MBOAT2: variants seen among roughly 807,000 people sequenced by gnomAD.
MBOAT2 encodes the protein membrane-bound glycerophospholipid O-acyltransferase 2.
In MBOAT2, 28 loss-of-function variants were observed where a neutral mutation model predicts 63.4. The ratio of observed to expected loss-of-function variants is 0.44; its 90% CI spans 0.33 to 0.61. The LOEUF (loss-of-function observed/expected upper bound fraction) is 0.61, where lower values mean the gene tolerates loss of function less well. Among genes scored for constraint, MBOAT2 ranks in the 20% least tolerant of loss-of-function variants. MBOAT2 has a pLI of 0.03. For missense variants in MBOAT2, 470 were observed against 605.8 expected (o/e 0.78, Z 2.35); for synonymous variants, 211 against 215.6 (o/e 0.98, Z 0.19).
intron 4 of MBOAT2, among the ~76,000 whole-genome samples, chr2:8,905,731 C>G (rs1184223381): frequency 1.3e-5 from 2 of 152,132 alleles, no homozygotes; most frequent in African/African-American, 4.8e-5. Context: ...GTGCAGCAAA[C>G]CAACATGGCA....
chr2:8,871,047 T>A (rs1028995132), intron 8 of MBOAT2, among the ~76,000 whole-genome samples: 2 of 151,736 alleles, frequency 1.3e-5, no homozygotes, highest in Non-Finnish European at 2.9e-5. Context: ...CAGGCTGGAG[T>A]GTAATGGTGC....
At chr2:8,882,302 C>T (rs951246787) in intron 6 of MBOAT2, among the ~76,000 whole-genome samples, 2 of 152,166 alleles carry the variant, frequency 1.3e-5, no homozygotes, top group Admixed American at 6.5e-5. Flanking sequence ...AATGTACAAT[C>T]GCAGAGGCAG....
intron 4 of MBOAT2, among the ~76,000 whole-genome samples, chr2:8,901,786 G>C (rs1291550144): frequency 6.6e-6 from 1 of 152,182 alleles, no homozygotes; most frequent in African/African-American, 2.4e-5. Flanking sequence ...GAAGGTAACA[G>C]AGTCCTGAAG....
At chr2:8,902,628 G>A (rs1310975888) in intron 4 of MBOAT2, among the ~76,000 whole-genome samples, 4 of 152,148 alleles carry the variant, frequency 2.6e-5, no homozygotes, top group African/African-American at 9.7e-5. Context: ...GACTTCAGGA[G>A]TGAAGCTGTA....
chr2:8,867,647 C>T (rs937974779), intron 9 of MBOAT2, among the ~76,000 whole-genome samples: 30 of 152,208 alleles, frequency 2.0e-4, no homozygotes, highest in Admixed American at 5.2e-4. Context: ...TGATTCATAA[C>T]TCATTCTCTC....
At chr2:8,905,494 T>C (rs1239037274) in intron 4 of MBOAT2, among the ~76,000 whole-genome samples, 1 of 152,224 alleles carries the variant, frequency 6.6e-6, no homozygotes, top group Non-Finnish European at 1.5e-5. Flanking sequence ...ATGAGATGCA[T>C]GTCCTTTGTA....
intron 2 of MBOAT2, among the ~76,000 whole-genome samples, chr2:8,952,993 G>T (rs983582534): frequency 6.6e-6 from 1 of 152,102 alleles, no homozygotes; most frequent in Non-Finnish European, 1.5e-5. Flanking sequence ...TGATATGTGA[G>T]GTTTTCATTC....
At chr2:8,971,569 G>A (rs1438406694) in intron 1 of MBOAT2, among the ~76,000 whole-genome samples, 3 of 152,224 alleles carry the variant, frequency 2.0e-5, no homozygotes, top group Non-Finnish European at 4.4e-5. Flanking sequence ...AAAAGAGGAA[G>A]TCAAATTGTC....
At chr2:8,867,723 T>C (rs1319253215) in intron 9 of MBOAT2, among the ~76,000 whole-genome samples, 1 of 152,256 alleles carries the variant, frequency 6.6e-6, no homozygotes, top group Non-Finnish European at 1.5e-5. Context: ...TATATTTATA[T>C]GTTTCTAGCC....
intron 3 of MBOAT2, among the ~76,000 whole-genome samples, chr2:8,913,114 T>C (rs759175565): frequency 6.6e-6 from 1 of 151,908 alleles, no homozygotes; most frequent in Non-Finnish European, 1.5e-5. Context: ...TTTCAACAAA[T>C]GGATAATTGG....
intron 1 of MBOAT2, among the ~76,000 whole-genome samples, chr2:8,988,875 CAATAA>C (rs958253781): frequency 6.6e-5 from 10 of 151,870 alleles, no homozygotes; most frequent in African/African-American, 2.2e-4. Context: ...GAATCATACA[CAATAA>C]AATAAAGTAT....
intron 3 of MBOAT2, among the ~76,000 whole-genome samples, chr2:8,912,687 T>C (rs906746153): frequency 6.6e-6 from 1 of 152,080 alleles, no homozygotes; most frequent in Non-Finnish European, 1.5e-5. Flanking sequence ...CTGAAGGAAA[T>C]CATAGACGAC....
At chr2:8,969,978 A>C (rs1670325472) in intron 1 of MBOAT2, among the ~76,000 whole-genome samples, 1 of 152,196 alleles carries the variant, frequency 6.6e-6, no homozygotes, top group Non-Finnish European at 1.5e-5. Context: ...AAAGTTAACA[A>C]GGATATCCAG....
Position 8,952,869 on chromosome 2 carries a change from T to C in MBOAT2, c.221+5628A>G, listed in dbSNP as rs934713885. On this transcript the variant is annotated intron_variant, in intron 2 of 12. Coordinates refer to ENST00000305997, the MANE Select transcript of MBOAT2 (RefSeq NM_138799.4). ...TACTTTGAGCCTGTGGATGTCATTATGTGTGAGATGGGGCTCTTGAAAACC... is the reference window on the plus strand; with the variant it reads ...TACTTTGAGCCTGTGGATGTCATTACGTGTGAGATGGGGCTCTTGAAAACC... 5.4e-4 allele frequency among the ~76,000 whole-genome samples: 82 copies of C among 152,180 alleles called. 1 individual carries two copies. The highest frequency in any genetic ancestry group is 1.8e-3 in the African/African-American group (73 of 41,442).
rs1407741208 is a variant in MBOAT2 at position 8,877,124 on chromosome 2, A to C, written c.596T>G (p.Ile199Ser). The C allele has an allele frequency of 6.2e-7, 1 of 1,614,060 alleles. No individual in the cohort carries two copies. The highest frequency in any genetic ancestry group is 8.5e-7 in the Non-Finnish European group (1 of 1,180,034). The change falls in exon 7 of 13, where the codon ATT becomes AGT. Residue 199 changes from isoleucine to serine, a missense_variant. Ile to Ser is a moderately radical substitution (Grantham distance 142, BLOSUM62 -2). This residue lies in a region of MBOAT2 where 376 missense variants were observed against 503.8 expected (regional missense o/e 0.75). Coordinates refer to ENST00000305997, the MANE Select transcript of MBOAT2 (RefSeq NM_138799.4). ...GTATGATCTGCCTTCAATGAAAGTA[A>C]TGTAGTCTTTGTAAGAGCAAAGTGG... is the stretch of plus-strand genomic sequence containing the variant. The part of the protein sequence containing the change: ...AGPLCSYKDY[I>S]TFIEGRSYHI...
intron 1 of MBOAT2, 152 bp from the exon 2 acceptor site, chr2:8,958,794 C>T: frequency 1.3e-6 from 1 of 763,550 alleles, no homozygotes; most frequent in Non-Finnish European, 2.0e-6. Flanking sequence ...AGGGAAATCC[C>T]AAGGATGAGC....
In MBOAT2 at chr2:8,858,298, G is replaced by T. The variant is rs529215988; in HGVS notation, c.*381C>A. 1.5e-3 allele frequency: 261 copies of T among 170,870 alleles called. 1 individual carries two copies. The highest frequency in any genetic ancestry group is 2.9e-3 in the Non-Finnish European group (231 of 79,412). 10.6% of individuals were successfully genotyped at this position (170,870 alleles called of 1,614,324 possible). On this transcript the variant is annotated 3_prime_UTR_variant, in exon 13 of 13. Coordinates refer to ENST00000305997, the MANE Select transcript of MBOAT2 (RefSeq NM_138799.4). ...TATTTTAGGAAATAGAGGGTTTAAG[G>T]CAAGACATTCATTTGGAAAAGTTAA...
intron 1 of MBOAT2, among the ~76,000 whole-genome samples, chr2:8,965,802 C>T (rs886328627): frequency 1.3e-5 from 2 of 152,104 alleles, no homozygotes; most frequent in East Asian, 1.9e-4. Context: ...AACTGCCACA[C>T]GTGCCCAACA....
intron 3 of MBOAT2, among the ~76,000 whole-genome samples, chr2:8,931,565 GC>G (rs775069222): frequency 1.3e-5 from 2 of 152,088 alleles, no homozygotes; most frequent in Non-Finnish European, 1.5e-5. Flanking sequence ...AGTTTCTTTT[GC>G]TGTGCAGAAG....
Sources: allele counts gnomAD v4.1 joint callset (sites outside exome capture counted in the v4.1 genomes callset), GRCh38; gene constraint gnomAD v4.1.1; regional missense constraint gnomAD v4.1.1; transcripts MANE v1.5; gene names NCBI Gene and HGNC (gene_info 2026-07-23, HGNC 2026-07-21).